Variants in TAS2R1 observed in about 807,000 individuals in gnomAD.
TAS2R1 encodes taste 2 receptor member 1.
For synonymous variants in TAS2R1, 141 were observed against 134.2 expected (o/e 1.05, Z -0.35); for missense variants, 370 against 353.4 (o/e 1.05, Z -0.38).
chr5:9,695,776 G>A (rs1741344650), intron 1 of TAS2R1, among the ~76,000 whole-genome samples: 1 of 152,122 alleles, frequency 6.6e-6, no homozygotes. Context: ...ATTAACCACG[G>A]CAACTGGAGC....
chr5:9,631,841 T>C (rs555524213), upstream of TAS2R1, among the ~76,000 whole-genome samples: 1 of 152,296 alleles, frequency 6.6e-6, no homozygotes, highest in African/African-American at 2.4e-5. Context: ...ATCTATGCCA[T>C]CTTGGACTCA....
chr5:9,899,875 A>T, the TAS2R1 span, among the ~76,000 whole-genome samples: 1 of 152,120 alleles, frequency 6.6e-6, no homozygotes, highest in Non-Finnish European at 1.5e-5. Context: ...ACATCATTAG[A>T]AGGTGGTTCC....
At chr5:9,840,440 C>G in the TAS2R1 span, among the ~76,000 whole-genome samples, 1 of 152,074 alleles carries the variant, frequency 6.6e-6, no homozygotes, top group Non-Finnish European at 1.5e-5. Context: ...ATCTTATTAT[C>G]TTTTGGTGGT....
chr5:9,640,125 C>G (rs1020291662), intron 2 of TAS2R1, among the ~76,000 whole-genome samples: 1 of 152,054 alleles, frequency 6.6e-6, no homozygotes, highest in African/African-American at 2.4e-5. Context: ...CACTTGAACA[C>G]TCAAAGGCCA....
the TAS2R1 span, among the ~76,000 whole-genome samples, chr5:9,873,994 G>A: frequency 6.9e-6 from 1 of 145,104 alleles, no homozygotes; most frequent in East Asian, 2.0e-4. Context: ...AAGAGAGAGA[G>A]GAAGGAAGAA....
the TAS2R1 span, among the ~76,000 whole-genome samples, chr5:9,901,099 C>T: frequency 6.6e-6 from 1 of 152,090 alleles, no homozygotes; most frequent in Non-Finnish European, 1.5e-5. Flanking sequence ...CATTAGGGCC[C>T]TGGGTTGGAC....
chr5:9,801,281 T>A, the TAS2R1 span, among the ~76,000 whole-genome samples: 1 of 152,212 alleles, frequency 6.6e-6, no homozygotes, highest in African/African-American at 2.4e-5. Flanking sequence ...AACCTGAACA[T>A]GCTGGCACCT....
chr5:9,844,141 A>G, the TAS2R1 span, among the ~76,000 whole-genome samples: 1 of 152,156 alleles, frequency 6.6e-6, no homozygotes, highest in Non-Finnish European at 1.5e-5. Context: ...TTCTACCCAC[A>G]CTCAAGGAAA....
the TAS2R1 span, among the ~76,000 whole-genome samples, chr5:9,848,698 G>A: frequency 1.8e-4 from 27 of 151,910 alleles, no homozygotes; most frequent in Admixed American, 3.3e-4. Context: ...ATGGTACACT[G>A]TAAATTTATA....
the TAS2R1 span, among the ~76,000 whole-genome samples, chr5:9,824,236 T>C: frequency 2.0e-5 from 3 of 152,158 alleles, no homozygotes; most frequent in Admixed American, 2.0e-4. Flanking sequence ...CCTGAAATCA[T>C]CTAATACCCA....
At chr5:9,828,493 C>T in the TAS2R1 span, among the ~76,000 whole-genome samples, 1 of 152,168 alleles carries the variant, frequency 6.6e-6, no homozygotes, top group Non-Finnish European at 1.5e-5. Flanking sequence ...ACATATAATG[C>T]TTCCAAAGTA....
chr5:9,669,875 C>T (rs911264971), intron 1 of TAS2R1, among the ~76,000 whole-genome samples: 11 of 151,682 alleles, frequency 7.3e-5, no homozygotes, highest in African/African-American at 2.7e-4. Flanking sequence ...CTGAACCACC[C>T]CCAAACCTGG....
chr5:9,751,443 A>G, the TAS2R1 span, among the ~76,000 whole-genome samples: 1 of 152,186 alleles, frequency 6.6e-6, no homozygotes, highest in African/African-American at 2.4e-5. Flanking sequence ...GTATAGAGAC[A>G]GCAGACAGGT....
chr5:9,752,364 C>T, the TAS2R1 span, among the ~76,000 whole-genome samples: 14 of 152,164 alleles, frequency 9.2e-5, no homozygotes, highest in Non-Finnish European at 1.9e-4. Flanking sequence ...TGTAGCTCTA[C>T]TGAAAACTTG....
chr5:9,791,176 T>C, the TAS2R1 span, among the ~76,000 whole-genome samples: 1 of 151,990 alleles, frequency 6.6e-6, no homozygotes, highest in South Asian at 2.1e-4. Flanking sequence ...GTGAAGTGCA[T>C]TATAGTGGAG....
chr5:9,711,977 G>GTTT, intron 1 of TAS2R1, among the ~76,000 whole-genome samples: 1 of 104,886 alleles, frequency 9.5e-6, no homozygotes. Context: ...TATGTTCAAC[G>GTTT]TTTTTTTTTT....
the TAS2R1 span, among the ~76,000 whole-genome samples, chr5:9,738,669 G>A: frequency 1.3e-5 from 2 of 152,078 alleles, no homozygotes; most frequent in Non-Finnish European, 2.9e-5. Context: ...GGTAGTGATG[G>A]GGAATAGCAG....
At chr5:9,885,857 G>A in the TAS2R1 span, among the ~76,000 whole-genome samples, 74 of 152,188 alleles carry the variant, frequency 4.9e-4, no homozygotes, top group Non-Finnish European at 3.8e-4. Context: ...AACTCGCACA[G>A]TGATCATTTG....
the TAS2R1 span, among the ~76,000 whole-genome samples, chr5:9,806,392 A>G: frequency 3.3e-5 from 5 of 152,114 alleles, no homozygotes; most frequent in Non-Finnish European, 1.5e-5. Context: ...GAACTAGAAA[A>G]AACAATCCTA....
Sources: allele counts gnomAD v4.1 joint callset (sites outside exome capture counted in the v4.1 genomes callset), GRCh38; gene constraint gnomAD v4.1.1; transcripts MANE v1.5; gene names NCBI Gene and HGNC (gene_info 2026-07-23, HGNC 2026-07-21).